Variants in DNAH8 observed in about 807,000 individuals in gnomAD.
DNAH8 encodes axonemal beta dynein heavy chain 8.
DNAH8 carries 382 observed loss-of-function variants against 562.1 expected under a neutral mutation model. The ratio of observed to expected loss-of-function variants is 0.68; its 90% confidence interval spans 0.63 to 0.74. The LOEUF (loss-of-function observed/expected upper bound fraction) is 0.74, where lower values mean the gene tolerates loss of function less well. Among genes scored for constraint, DNAH8 ranks in the 30% least tolerant of loss-of-function variants. DNAH8 has a pLI of 0.00. For synonymous variants in DNAH8, 1,881 were observed against 1,919.4 expected, an observed-to-expected ratio of 0.98 and a Z score of 0.52; for missense variants, 5,203 against 5,620.4, an observed-to-expected ratio of 0.93 and a Z score of 2.37.
At chr6:38,996,574 C>T (rs942163774) in intron 88 of DNAH8, among the ~76,000 whole-genome samples, 17 of 152,166 alleles carry the variant, frequency 1.1e-4, no homozygotes, top group Non-Finnish European at 1.9e-4. Flanking sequence ...CTAGAGCACC[C>T]ATGATGACTA....
At chr6:38,900,117 C>T (rs1346593743) in intron 62 of DNAH8, among the ~76,000 whole-genome samples, 2 of 152,070 alleles carry the variant, frequency 1.3e-5, no homozygotes, top group Non-Finnish European at 2.9e-5. Flanking sequence ...TTCTTGTATC[C>T]CAGAAGTGCC....
intron 3 of DNAH8, among the ~76,000 whole-genome samples, chr6:38,728,154 G>C (rs1763376588): frequency 6.6e-6 from 1 of 152,026 alleles, no homozygotes; most frequent in Non-Finnish European, 1.5e-5. Flanking sequence ...TTTTTATAGA[G>C]AGGAGATTTC....
At chr6:38,751,088 T>G (rs2127595630) in intron 9 of DNAH8, among the ~76,000 whole-genome samples, 1 of 152,306 alleles carries the variant, frequency 6.6e-6, no homozygotes. Context: ...GGCTCAGGAA[T>G]CCAAGCAAGG....
At chr6:38,932,025 C>T in intron 76 of DNAH8, 32 bp downstream of exon 76, 1 of 1,419,468 alleles carries the variant, frequency 7.0e-7, no homozygotes. Flanking sequence ...AGAATTTCTG[C>T]TTATAATACA....
At position 39,030,698 on chromosome 6, in the gene DNAH8, T is replaced by G. The variant is rs1031666462; in HGVS notation, c.*306T>G. 2.0e-5 allele frequency among the ~76,000 whole-genome samples: 3 copies of G among 152,184 alleles called. No individual in the cohort carries two copies. The highest frequency in any genetic ancestry group is 7.2e-5 in the African/African-American group (3 of 41,440). On this transcript the variant is annotated 3_prime_UTR_variant, in exon 93 of 93. Coordinates refer to ENST00000327475, the MANE Select transcript of DNAH8 (RefSeq NM_001206927.2). ...GCTCTGAATTTTAAAAATTTGAAAGTGTTGATATGTGACATCCTAAAAAGA... is the reference window on the plus strand; with the variant it reads ...GCTCTGAATTTTAAAAATTTGAAAGGGTTGATATGTGACATCCTAAAAAGA...
In DNAH8 at chr6:38,866,826, C is replaced by G. The variant is rs1777070653; in HGVS notation, c.6643C>G (p.Gln2215Glu). Residue 2215 changes from glutamine to glutamate, a missense_variant, in exon 47 of 93, where the codon CAA becomes GAA. Around this residue, in one of 6 missense-constraint regions of DNAH8, gnomAD observed 2,176 missense variants for 2,365.1 expected, o/e 0.92. Transcript: ENST00000327475. The stretch of plus-strand genomic sequence containing the variant: ...TTTTCTTGAAAATGTTATCTTGGCT[C>G]AAAAATTTTACGTTCTTTACAAACT... ...CGFLENVILA[Q>E]KFYVLYKLCE... 6.2e-7 allele frequency: 1 copy of G among 1,613,348 alleles called. No individual in the cohort carries two copies. The highest frequency in any genetic ancestry group is 8.5e-7 in the Non-Finnish European group (1 of 1,179,690).
At chr6:38,740,340 T>C (rs562768687) in intron 7 of DNAH8, among the ~76,000 whole-genome samples, 5 of 152,232 alleles carry the variant, frequency 3.3e-5, no homozygotes, top group Non-Finnish European at 7.4e-5. Flanking sequence ...GAACATGATA[T>C]ACCTCCCCAT....
chr6:38,898,109 G>T (rs1397155351), intron 60 of DNAH8, 149 bp from the exon 61 acceptor site: 1 of 680,986 alleles, frequency 1.5e-6, no homozygotes, highest in African/African-American at 1.9e-5. Context: ...ACTAAAAGTA[G>T]ACTAATACGT....
chr6:38,810,434 A>C (rs950370613), intron 24 of DNAH8, among the ~76,000 whole-genome samples: 1 of 152,170 alleles, frequency 6.6e-6, no homozygotes, highest in African/African-American at 2.4e-5. Context: ...TCTACTAAAA[A>C]TACAAAAAGT....
At chr6:39,026,033 G>A (rs1194677733) in intron 91 of DNAH8, among the ~76,000 whole-genome samples, 1 of 152,120 alleles carries the variant, frequency 6.6e-6, no homozygotes, top group African/African-American at 2.4e-5. Flanking sequence ...CAGGGTGATT[G>A]CTTTGTTTGG....
intron 33 of DNAH8, among the ~76,000 whole-genome samples, chr6:38,840,524 C>G (rs535356403): frequency 4.6e-5 from 7 of 152,186 alleles, no homozygotes; most frequent in African/African-American, 1.7e-4. Flanking sequence ...GCCCTTATTT[C>G]TATTGAAGTC....
chr6:38,717,534 A>G (rs967351359), intron 1 of DNAH8, among the ~76,000 whole-genome samples: 3 of 151,622 alleles, frequency 2.0e-5, no homozygotes, highest in Non-Finnish European at 2.9e-5. Context: ...CATGTTGCCC[A>G]GGCTAGTCTC....
chr6:38,758,590 C>T (rs1582923389), intron 10 of DNAH8, among the ~76,000 whole-genome samples: 1 of 151,762 alleles, frequency 6.6e-6, no homozygotes, highest in Admixed American at 6.6e-5. Context: ...TGAGAGAGGG[C>T]ATCCCTGTCT....
At chr6:38,790,774 G>A (rs1476038861) in intron 20 of DNAH8, among the ~76,000 whole-genome samples, 2 of 151,002 alleles carry the variant, frequency 1.3e-5, no homozygotes, top group East Asian at 3.9e-4. Flanking sequence ...AGTGAGCCGA[G>A]ATCATGCCAT....
chr6:38,820,501 G>T (rs549932143), intron 26 of DNAH8, among the ~76,000 whole-genome samples: 1 of 152,100 alleles, frequency 6.6e-6, no homozygotes. Context: ...ACCAGGGTAG[G>T]GAAGGATTCT....
intron 33 of DNAH8, among the ~76,000 whole-genome samples, chr6:38,840,376 C>A (rs1774677349): frequency 6.6e-6 from 1 of 152,210 alleles, no homozygotes; most frequent in African/African-American, 2.4e-5. Flanking sequence ...GAATACACAT[C>A]TGACTTCAAC....
intron 21 of DNAH8, among the ~76,000 whole-genome samples, chr6:38,796,124 A>AT (rs1770229482): frequency 6.6e-6 from 1 of 152,012 alleles, no homozygotes; most frequent in South Asian, 2.1e-4. Flanking sequence ...CTCTTTCCTG[A>AT]TTTGCCTCCT....
At chr6:38,758,411 G>C (rs1766144762) in intron 10 of DNAH8, among the ~76,000 whole-genome samples, 1 of 151,824 alleles carries the variant, frequency 6.6e-6, no homozygotes. Context: ...TTGCTTATCA[G>C]CTTAAGGAGA....
rs531978078 is a variant in DNAH8 at position 38,747,045 on chromosome 6, G to A, written c.1294-3431G>A. ...TATACTTTATTCTTCAGTTAACTTG[G>A]AATTTATTTGTGTGAATCATGTAAG... On this transcript the variant is annotated intron_variant, in intron 8 of 92. Transcript: ENST00000327475. Among the ~76,000 whole-genome samples, 3 of 152,114 alleles carry A rather than the reference G, an allele frequency of 2.0e-5. No individual in the cohort carries two copies. The South Asian group carries it at 6.2e-4, about 32-fold the overall frequency.
Sources: allele counts gnomAD v4.1 joint callset (sites outside exome capture counted in the v4.1 genomes callset), GRCh38; gene constraint gnomAD v4.1.1; regional missense constraint gnomAD v4.1.1; transcripts MANE v1.5; gene names NCBI Gene and HGNC (gene_info 2026-07-23, HGNC 2026-07-21).